RASIP1: variants seen among roughly 807,000 people sequenced by gnomAD.
The protein encoded by RASIP1 is ras-interacting protein 1.
A neutral mutation model predicts 85.3 loss-of-function variants in RASIP1; 20 were observed. The ratio of observed to expected loss-of-function variants is 0.23; its 90% CI spans 0.17 to 0.34. RASIP1 has a LOEUF of 0.34. RASIP1 is among the 10% of genes least tolerant of loss of function. RASIP1 has a pLI of 1.00. For missense variants in RASIP1, 1,170 were observed against 1,390.9 expected (o/e 0.84, Z 2.53); for synonymous variants, 617 against 647.1 (o/e 0.95, Z 0.71).
chr19:48,724,869 A>G lies in RASIP1; in HGVS notation c.2219T>C (p.Met740Thr), dbSNP rs751311940. The change falls in exon 9 of 12, where the codon ATG becomes ACG. Residue 740 changes from methionine (M) to threonine (T), a missense_variant. Physicochemically the swap from Met to Thr is moderately conservative, Grantham distance 81. Coordinates refer to ENST00000222145, the MANE Select transcript of RASIP1 (RefSeq NM_017805.3). This position sits in a 1 kb window ranked among gnomAD's most constrained non-coding sequence, Gnocchi z 4.6. The part of the protein sequence containing the change: ...LPGPGAELGA[M>T]PPGLRPTLGV... ...CAGGGTAGGTCTCAATCCTGGAGGCATGGCCCCCAGCTCCGCGCCAGGCCC... is the reference window on the plus strand; with the variant it reads ...CAGGGTAGGTCTCAATCCTGGAGGCGTGGCCCCCAGCTCCGCGCCAGGCCC... 16 of 1,614,256 alleles carry G rather than the reference A, an allele frequency of 9.9e-6. No homozygotes were observed. The highest frequency in any genetic ancestry group is 1.1e-5 in the Non-Finnish European group (13 of 1,180,058).
In RASIP1 at chr19:48,740,174, G is replaced by T. The variant is rs2033647290; in HGVS notation, c.109C>A (p.Arg37=). ...ACAGAGGCTGCGCTGGGCCAGCGCC[G>T]CCCCAGCTTCGCCAGCTGCTTCCTG... ...SPRKQLAKLG[R]RWPSAASVKS... Residue 37 remains arginine, a synonymous_variant, in exon 2 of 12, where the codon CGG becomes AGG. Coordinates refer to ENST00000222145, the MANE Select transcript of RASIP1 (RefSeq NM_017805.3). This position sits in a 1 kb window ranked among gnomAD's most constrained non-coding sequence, Gnocchi z 5.5. 8.8e-6 allele frequency: 14 copies of T among 1,595,952 alleles called. No homozygotes were observed. The highest frequency in any genetic ancestry group is 1.2e-5 in the Non-Finnish European group (14 of 1,173,786).
intron 3 of RASIP1, among the ~76,000 whole-genome samples, chr19:48,736,250 C>A (rs2033569938): frequency 6.6e-6 from 1 of 151,724 alleles, no homozygotes; most frequent in Admixed American, 6.6e-5. Context: ...CCCGTCTCTA[C>A]TAAAAATACA....
Position 48,724,457 on chromosome 19 carries a change from G to A in RASIP1, c.2424C>T (p.Asn808=), listed in dbSNP as rs1487915277. The part of the protein sequence containing the change: ...QWSRAVQIRT[N]LDLVLDWLQG... The stretch of plus-strand genomic sequence containing the variant: ...GTAGCCAGTCCAAGACGAGGTCCAG[G>A]TTGGTTCGGATTTGAACAGCTCGGG... The change falls in exon 10 of 12, where the codon AAC becomes AAT. Residue 808 remains asparagine, a synonymous_variant. Coordinates refer to ENST00000222145, the MANE Select transcript of RASIP1 (RefSeq NM_017805.3). The surrounding 1 kb of genome is among the most constrained non-coding windows in gnomAD (Gnocchi z 4.6). 9 of 1,614,066 alleles carry A rather than the reference G, an allele frequency of 5.6e-6. No homozygotes were observed. The Admixed American group carries it at 1.2e-4, about 21-fold the overall frequency.
rs916657406 is a variant in RASIP1 at position 48,720,701 on chromosome 19, A to G, written c.*97T>C. ...ATCTCCCAACATTCCACGCGGGATAAGAACTACAACTCCCAGAAAGCTTTG... is the reference window on the plus strand; with the variant it reads ...ATCTCCCAACATTCCACGCGGGATAGGAACTACAACTCCCAGAAAGCTTTG... On this transcript the variant is annotated 3_prime_UTR_variant, in exon 12 of 12. Transcript: ENST00000222145. 3 of 1,341,230 alleles carry G rather than the reference A, an allele frequency of 2.2e-6. No homozygotes were observed. The Admixed American group carries it at 5.5e-5, about 25-fold the overall frequency. 83.1% of individuals were successfully genotyped at this position (1,341,230 alleles called of 1,614,324 possible).
At chr19:48,736,296 G>A (rs1486868656) in intron 3 of RASIP1, among the ~76,000 whole-genome samples, 4 of 151,774 alleles carry the variant, frequency 2.6e-5, no homozygotes, top group Admixed American at 2.0e-4. Flanking sequence ...CCAGCTACTC[G>A]GGAGGCTGAG....
chr19:48,731,697 A>T (rs931790993), intron 4 of RASIP1, among the ~76,000 whole-genome samples: 1 of 152,214 alleles, frequency 6.6e-6, no homozygotes, highest in Non-Finnish European at 1.5e-5. Flanking sequence ...CTTCTACACT[A>T]AATTCTACCA....
intron 4 of RASIP1, among the ~76,000 whole-genome samples, chr19:48,734,302 A>G (rs948122820): frequency 6.6e-6 from 1 of 151,896 alleles, no homozygotes; most frequent in Non-Finnish European, 1.5e-5. Flanking sequence ...CAAAAAAAAA[A>G]AAGTTTATTA....
intron 6 of RASIP1, 89 bp downstream of exon 6, chr19:48,727,304 A>C (rs2033358726): frequency 1.3e-6 from 2 of 1,551,172 alleles, no homozygotes; most frequent in Non-Finnish European, 1.8e-6. Context: ...AGAAACTTGC[A>C]CTGGGGCATG....
rs866470125 is a variant in RASIP1 at position 48,734,911 on chromosome 19, G to A, written c.1179+285C>T. 2.6e-5 allele frequency among the ~76,000 whole-genome samples: 4 copies of A among 152,160 alleles called. No individual in the cohort carries two copies. The South Asian group carries it at 8.3e-4, about 32-fold the overall frequency. On this transcript the variant is annotated intron_variant, in intron 4 of 11. Transcript: ENST00000222145. ...ATTATGAGAGTCAGCCGCACGCCTGGCGGGGATCTTCTTTCTACAATGGAA... is the reference window on the plus strand; with the variant it reads ...ATTATGAGAGTCAGCCGCACGCCTGACGGGGATCTTCTTTCTACAATGGAA...
At chr19:48,734,590 C>T (rs946788469) in intron 4 of RASIP1, among the ~76,000 whole-genome samples, 2 of 150,898 alleles carry the variant, frequency 1.3e-5, no homozygotes, top group African/African-American at 2.4e-5. Flanking sequence ...CGGGTTCAAA[C>T]GATTCCCCTG....
chr19:48,731,931 G>A (rs1024877329), intron 4 of RASIP1, among the ~76,000 whole-genome samples: 7 of 152,140 alleles, frequency 4.6e-5, no homozygotes, highest in Non-Finnish European at 8.8e-5. Flanking sequence ...TGCTTTCTTG[G>A]CACCTACAGT....
chr19:48,737,854 A>T (rs995030934), intron 3 of RASIP1: 36 of 979,598 alleles, frequency 3.7e-5, no homozygotes, highest in South Asian at 9.5e-5. Flanking sequence ...TCTGCTCTGC[A>T]TCGCTCCCAA....
chr19:48,739,905 TC>T lies in RASIP1; in HGVS notation c.137+240del, dbSNP rs1285639872. ...GAGGGGAGGAAGGAAGGTGAATCAATCCCCCTGCTCCTTCTGTCCCCGTCCC... is the reference window on the plus strand; with the variant it reads ...GAGGGGAGGAAGGAAGGTGAATCAATCCCCTGCTCCTTCTGTCCCCGTCCC... On this transcript the variant is annotated intron_variant, in intron 2 of 11. Transcript: ENST00000222145. This position sits in a 1 kb window ranked among gnomAD's most constrained non-coding sequence, Gnocchi z 9.2. Among the ~76,000 whole-genome samples, 1 of 151,716 alleles carries T rather than the reference TC, an allele frequency of 6.6e-6. No individual in the cohort carries two copies. The highest frequency in any genetic ancestry group is 1.5e-5 in the Non-Finnish European group (1 of 67,874).
rs1261560331 is a variant in RASIP1, at chr19:48,721,872, G to T, written c.2674C>A (p.Arg892=). 3.7e-6 allele frequency: 6 copies of T among 1,606,308 alleles called. No homozygotes were observed. Among genetic ancestry groups the T allele is most frequent in the Non-Finnish European group, 4.2e-6 (5 of 1,176,860 alleles). ...PAAWDPPPAE[R]EAVDTGDIFE... is the part of the protein sequence containing the mutation. The stretch of plus-strand genomic sequence containing the variant: ...TCCTCACCTGTGTCCACAGCCTCCC[G>T]CTCTGCAGGGGGAGGGTCCCACGCG... Residue 892 remains arginine (R), a synonymous_variant, in exon 11 of 12, where the codon CGG becomes AGG. Transcript: ENST00000222145.
chr19:48,720,682 C>G lies in RASIP1; in HGVS notation c.*116G>C. 8.3e-7 allele frequency: 1 copy of G among 1,211,998 alleles called. No homozygotes were observed. Among genetic ancestry groups the G allele is most frequent in the South Asian group, 1.3e-5 (1 of 74,252 alleles). The allele number at this position is 1,211,998 out of a possible 1,614,324, so 75.1% of individuals were successfully genotyped here. ...GCTACTTCCCGAAAACTCAATCTCC[C>G]AACATTCCACGCGGGATAAGAACTA... On this transcript the variant is annotated 3_prime_UTR_variant, in exon 12 of 12. Coordinates refer to ENST00000222145, the MANE Select transcript of RASIP1 (RefSeq NM_017805.3).
chr19:48,738,929 TC>T lies in RASIP1; in HGVS notation c.823+30del. The T allele has an allele frequency of 8.9e-7, 1 of 1,124,030 alleles. No homozygotes were observed. The highest frequency in any genetic ancestry group is 1.1e-6 in the Non-Finnish European group (1 of 931,310). 69.6% of individuals were successfully genotyped at this position (1,124,030 alleles called of 1,614,324 possible). On this transcript the variant is annotated intron_variant, in intron 3 of 11. Coordinates refer to ENST00000222145, the MANE Select transcript of RASIP1 (RefSeq NM_017805.3). This position sits in a 1 kb window ranked among gnomAD's most constrained non-coding sequence, Gnocchi z 4.0. Reference sequence around the variant, plus strand: ...CGGACCCCGCCTCTCTGGCACCGAGTCCCCGCCCCAGAGCCCCGCCCGCCGC... The same window carrying T: ...CGGACCCCGCCTCTCTGGCACCGAGTCCCGCCCCAGAGCCCCGCCCGCCGC...
rs2033304771 is a variant in RASIP1, at chr19:48,724,317, T to C, written c.2544+20A>G. 1 of 1,610,660 alleles carries C rather than the reference T, an allele frequency of 6.2e-7. No homozygotes were observed. The highest frequency in any genetic ancestry group is 2.2e-5 in the East Asian group (1 of 44,820). Reference sequence around the variant, plus strand: ...GAGGAGTCAGAGGTCAGGGGTCAGGTATAGCTGACCAGGAGTCACCTTGAG... The same window carrying C: ...GAGGAGTCAGAGGTCAGGGGTCAGGCATAGCTGACCAGGAGTCACCTTGAG... On this transcript the variant is annotated intron_variant, in intron 10 of 11. Transcript: ENST00000222145. This position sits in a 1 kb window ranked among gnomAD's most constrained non-coding sequence, Gnocchi z 4.6.
intron 10 of RASIP1, among the ~76,000 whole-genome samples, chr19:48,722,950 A>T (rs1042695144): frequency 3.9e-5 from 6 of 152,160 alleles, no homozygotes; most frequent in African/African-American, 1.4e-4. Context: ...CAGTGGCATG[A>T]CTGTGGCTCA....
chr19:48,738,974 G>A lies in RASIP1; in HGVS notation c.809C>T (p.Ala270Val), dbSNP rs2033623185. ...ARRLEQEAFG[A>V]ADSEGTGAPS... ...CCGCCGCTCACCTTCGCTGTCCGCG[G>A]CCCCGAAGGCCTCCTGCTCCAGGCG... Residue 270 changes from alanine to valine, a missense_variant, in exon 3 of 12, where the codon GCC (alanine) becomes GTC (valine). By Grantham distance (64) the Ala-to-Val change is moderately conservative. Around this residue, in one of 4 missense-constraint regions of RASIP1, gnomAD observed 301 missense variants for 294.8 expected, o/e 1.02. Coordinates refer to ENST00000222145, the MANE Select transcript of RASIP1 (RefSeq NM_017805.3). This position sits in a 1 kb window ranked among gnomAD's most constrained non-coding sequence, Gnocchi z 4.0. 1.6e-6 allele frequency: 2 copies of A among 1,223,642 alleles called. No homozygotes were observed. Among genetic ancestry groups the A allele is most frequent in the South Asian group, 3.7e-5 (1 of 26,746 alleles). 75.8% of individuals were successfully genotyped at this position (1,223,642 alleles called of 1,614,324 possible). A position where few individuals can be genotyped will look rare whatever the true frequency, so the allele number is the denominator to read the frequency against.
Sources: gnomAD v4.1 joint callset for allele counts (sites outside exome capture counted in the v4.1 genomes callset) on GRCh38, gnomAD v4.1.1 for gene constraint, gnomAD v4.1.1 regional missense constraint, Gnocchi (gnomAD v3.1) non-coding constraint, MANE v1.5 for transcripts, NCBI Gene and HGNC (gene_info 2026-07-23, HGNC 2026-07-21) for gene names.